The following GJA3 variants were observed in gnomAD, a reference collection of about 807,000 sequenced individuals.
The protein encoded by GJA3 is gap junction alpha-3 protein.
For missense variants in GJA3, 571 were observed against 620.3 expected (o/e 0.92, Z 0.84); for synonymous variants, 297 against 292.6 (o/e 1.02, Z -0.15).
In GJA3 at chr13:20,139,670, T is replaced by G. The variant is rs555846962; in HGVS notation, c.*2311A>C. ...TTAGTGATTTTCAAGTAGGTGAATC[T>G]AATTCTACACTCCTATCCACTCTAA... On this transcript the variant is annotated 3_prime_UTR_variant, in exon 2 of 2. Coordinates refer to ENST00000241125, the MANE Select transcript of GJA3 (RefSeq NM_021954.4). 1.8e-4 allele frequency: 27 copies of G among 152,326 alleles called. No individual in the cohort carries two copies. Among genetic ancestry groups the G allele is most frequent in the Non-Finnish European group, 3.7e-4 (25 of 68,020 alleles). 9.4% of individuals were successfully genotyped at this position (152,326 alleles called of 1,614,324 possible).
chr13:20,146,258 C>A (rs539366512), intron 1 of GJA3, among the ~76,000 whole-genome samples: 1 of 152,320 alleles, frequency 6.6e-6, no homozygotes, highest in African/African-American at 2.4e-5. Context: ...ACAGACTGGA[C>A]AATGCCACTG....
chr13:20,159,518 T>C lies in GJA3; in HGVS notation c.-18+1372A>G, dbSNP rs141451801. Among the ~76,000 whole-genome samples the C allele has an allele frequency of 2.2e-3, 310 of 141,472 alleles. 2 individuals carry two copies. The highest frequency in any genetic ancestry group is 6.9e-3 in the African/African-American group (254 of 36,774). The allele number at this position is 141,472 out of a possible 152,430, so 92.8% of individuals were successfully genotyped here. ...GATAAACGTAATTTTTCGTTTCAAA[T>C]GTAGTGTGTACACGTTATTTTAGCT... On this transcript the variant is annotated intron_variant, in intron 1 of 1. Transcript: ENST00000241125.
intron 1 of GJA3, among the ~76,000 whole-genome samples, chr13:20,154,252 C>T (rs868440491): frequency 7.2e-5 from 11 of 152,326 alleles, no homozygotes; most frequent in African/African-American, 1.2e-4. Context: ...TTCACTGCTG[C>T]GACACTTCTT....
rs987303033 is a variant in GJA3 at position 20,138,737 on chromosome 13, C to G, written c.*3244G>C. ...ACTCTCTTAAATCATGCAATACTCT[C>G]TATAAGTATTTATTTTGGTGGAGAT... On this transcript the variant is annotated 3_prime_UTR_variant, in exon 2 of 2. Coordinates refer to ENST00000241125, the MANE Select transcript of GJA3 (RefSeq NM_021954.4). 3 of 152,110 alleles carry G rather than the reference C, an allele frequency of 2.0e-5. No individual in the cohort carries two copies. Among genetic ancestry groups the G allele is most frequent in the Non-Finnish European group, 4.4e-5 (3 of 68,028 alleles). 9.4% of individuals were successfully genotyped at this position (152,110 alleles called of 1,614,324 possible).
At chr13:20,150,154 A>G (rs1474271325) in intron 1 of GJA3, among the ~76,000 whole-genome samples, 1 of 152,194 alleles carries the variant, frequency 6.6e-6, no homozygotes, top group African/African-American at 2.4e-5. Flanking sequence ...CCGTTTAAAG[A>G]GGAAGAAGTT....
At chr13:20,155,395 T>C (rs543667324) in intron 1 of GJA3, among the ~76,000 whole-genome samples, 5 of 152,294 alleles carry the variant, frequency 3.3e-5, no homozygotes, top group Admixed American at 3.3e-4. Flanking sequence ...GAAGACTTAA[T>C]TACAAATTTA....
rs1472861730 is a variant in GJA3, at chr13:20,142,057, A to C, written c.1232T>G (p.Leu411Arg). ...AAQMHQPPLP[L>R]GDPGRASKAS... ...CTTGCTGGCCCGACCTGGGTCTCCG[A>C]GGGGCAAGGGCGGCTGGTGCATCTG... The change falls in exon 2 of 2, where the codon CTC becomes CGC. Residue 411 changes from leucine to arginine, a missense_variant. Coordinates refer to ENST00000241125, the MANE Select transcript of GJA3 (RefSeq NM_021954.4). 6 of 1,549,894 alleles carry C rather than the reference A, an allele frequency of 3.9e-6. No homozygotes were observed. The highest frequency in any genetic ancestry group is 2.6e-6 in the Non-Finnish European group (3 of 1,146,688).
At chr13:20,155,934 A>C (rs1026937490) in intron 1 of GJA3, among the ~76,000 whole-genome samples, 2 of 152,114 alleles carry the variant, frequency 1.3e-5, no homozygotes, top group African/African-American at 2.4e-5. Context: ...CAATAATCTA[A>C]TGCTGTTGCA....
chr13:20,154,802 T>G (rs1299905269), intron 1 of GJA3, among the ~76,000 whole-genome samples: 2 of 152,206 alleles, frequency 1.3e-5, no homozygotes, highest in East Asian at 1.9e-4. Context: ...TCTATTGTGA[T>G]TTTTTAGATG....
intron 1 of GJA3, among the ~76,000 whole-genome samples, chr13:20,150,092 T>TA (rs1958867726): frequency 6.6e-6 from 1 of 151,862 alleles, no homozygotes; most frequent in African/African-American, 2.4e-5. Context: ...AGTCAGGGAA[T>TA]AAAAAAGCTA....
chr13:20,153,971 C>T (rs1593339261), intron 1 of GJA3, among the ~76,000 whole-genome samples: 1 of 152,106 alleles, frequency 6.6e-6, no homozygotes, highest in East Asian at 1.9e-4. Flanking sequence ...TGACAGAAGG[C>T]TACCCCTGTT....
chr13:20,143,775 C>T (rs968171266), intron 1 of GJA3, among the ~76,000 whole-genome samples: 4 of 152,230 alleles, frequency 2.6e-5, no homozygotes, highest in Non-Finnish European at 5.9e-5. Flanking sequence ...CTTTTTCTGT[C>T]TTCACATCAA....
Position 20,139,750 on chromosome 13 carries a change from T to C in GJA3, c.*2231A>G, listed in dbSNP as rs59606061. On this transcript the variant is annotated 3_prime_UTR_variant, in exon 2 of 2. Transcript: ENST00000241125. Reference sequence around the variant, plus strand: ...CAATACTGGCATTTCCATAAACATATTGTGACTAAATTCAATTTTAAAATG... The same window carrying C: ...CAATACTGGCATTTCCATAAACATACTGTGACTAAATTCAATTTTAAAATG... 0.18 allele frequency: 27,444 copies of C among 152,156 alleles called. 3,395 individuals are homozygous for C. Among genetic ancestry groups the C allele is most frequent in the African/African-American group, 0.34 (14,255 of 41,488 alleles). 9.4% of individuals were successfully genotyped at this position (152,156 alleles called of 1,614,324 possible).
chr13:20,153,751 G>A (rs955047968), intron 1 of GJA3, among the ~76,000 whole-genome samples: 7 of 151,304 alleles, frequency 4.6e-5, no homozygotes, highest in Non-Finnish European at 7.4e-5. Flanking sequence ...CCTGCACATT[G>A]TGCACATGTA....
At chr13:20,148,963 G>A (rs1958860453) in intron 1 of GJA3, among the ~76,000 whole-genome samples, 1 of 152,220 alleles carries the variant, frequency 6.6e-6, no homozygotes, top group Non-Finnish European at 1.5e-5. Flanking sequence ...TTTTGGTTCT[G>A]CCTCAGTGAA....
Position 20,142,419 on chromosome 13 carries a change from G to T in GJA3, c.870C>A (p.Ala290=), listed in dbSNP as rs768171442. 15 of 1,498,342 alleles carry T rather than the reference G, an allele frequency of 1.0e-5. No individual in the cohort carries two copies. The highest frequency in any genetic ancestry group is 1.4e-5 in the African/African-American group (1 of 71,298). The allele number at this position is 1,498,342 out of a possible 1,614,324, so 92.8% of individuals were successfully genotyped here. A position where few individuals can be genotyped will look rare whatever the true frequency, so the allele number is the denominator to read the frequency against. The change falls in exon 2 of 2, where the codon GCC becomes GCA. Residue 290 remains alanine (A), a synonymous_variant. Transcript: ENST00000241125. ...GQARAVGYPG[A]PPPAADFKLL... The stretch of plus-strand genomic sequence containing the variant: ...GTTTGAAGTCCGCGGCTGGTGGCGG[G>T]GCCCCGGGGTAGCCCACGGCGCGGG...
At chr13:20,144,025 G>T (rs1271008799) in intron 1 of GJA3, among the ~76,000 whole-genome samples, 3 of 152,228 alleles carry the variant, frequency 2.0e-5, no homozygotes, top group Non-Finnish European at 2.9e-5. Flanking sequence ...AGCTCTGGAT[G>T]TAAGCTCTCT....
chr13:20,142,156 C>A lies in GJA3; in HGVS notation c.1133G>T (p.Ser378Ile). The change falls in exon 2 of 2, where the codon AGC becomes ATC. Residue 378 changes from serine to isoleucine, a missense_variant. Physicochemically the swap from Ser to Ile is moderately radical, Grantham distance 142 (BLOSUM62 -2). Coordinates refer to ENST00000241125, the MANE Select transcript of GJA3 (RefSeq NM_021954.4). Reference sequence around the variant, plus strand: ...GGCGCTCCCCTCCAGACTGCTGCCGCTCCCATCCAGCAGCAGGGGCGCCGC... The same window carrying A: ...GGCGCTCCCCTCCAGACTGCTGCCGATCCCATCCAGCAGCAGGGGCGCCGC... ...AGAAPLLLDGSGSSLEGSALA... is the reference protein window; with the variant it reads ...AGAAPLLLDGIGSSLEGSALA... 6.6e-7 allele frequency: 1 copy of A among 1,524,362 alleles called. No individual in the cohort carries two copies. Among genetic ancestry groups the A allele is most frequent in the Non-Finnish European group, 8.8e-7 (1 of 1,136,652 alleles). 94.4% of individuals were successfully genotyped at this position (1,524,362 alleles called of 1,614,324 possible).
chr13:20,142,503 G>C lies in GJA3; in HGVS notation c.786C>G (p.Pro262=), dbSNP rs1219074024. ...PPPLPPSSRP[P]AVAIGFPPYY... is the part of the protein sequence containing the mutation. ...AGGGTGGGAACCCGATGGCAACGGC[G>C]GGCGGCCGGGAGCTGGGGGGCAGGG... Residue 262 remains proline, a synonymous_variant, in exon 2 of 2, where the codon CCC becomes CCG. Transcript: ENST00000241125. The C allele has an allele frequency of 3.2e-6, 5 of 1,553,206 alleles. No individual in the cohort carries two copies. Among genetic ancestry groups the C allele is most frequent in the Non-Finnish European group, 4.3e-6 (5 of 1,149,580 alleles).
Sources: gnomAD v4.1 joint callset for allele counts (sites outside exome capture counted in the v4.1 genomes callset) on GRCh38, gnomAD v4.1.1 for gene constraint, MANE v1.5 for transcripts, NCBI Gene and HGNC (gene_info 2026-07-23, HGNC 2026-07-21) for gene names.